The following MCM2 variants were observed in gnomAD, a reference collection of about 807,000 sequenced individuals.
The protein encoded by MCM2 is minichromosome maintenance complex component 2.
Under a neutral mutation model 86.4 loss-of-function variants are expected in MCM2, and 49 were observed. The observed-to-expected ratio is 0.57, with a 90% CI of 0.45 to 0.72. The LOEUF is 0.72. MCM2 is among the 30% of genes least tolerant of loss of function. The pLI is 0.00. For missense variants in MCM2, 1,038 were observed against 1,259.9 expected (o/e 0.82, Z 2.67); for synonymous variants, 475 against 484.6 (o/e 0.98, Z 0.26).
At chr3:127,610,161 T>C (rs1454002500) in intron 8 of MCM2, among the ~76,000 whole-genome samples, 2 of 152,172 alleles carry the variant, frequency 1.3e-5, no homozygotes, top group Non-Finnish European at 2.9e-5. Context: ...CAACTTGAAC[T>C]TCAGTTTTTA....
At position 127,620,850 on chromosome 3, in the gene MCM2, G is replaced by C. The variant is rs1210652155; in HGVS notation, c.2418G>C (p.Gln806His). 1.4e-5 allele frequency: 23 copies of C among 1,612,374 alleles called. No individual in the cohort carries two copies. The highest frequency in any genetic ancestry group is 2.7e-5 in the African/African-American group (2 of 74,936). ...RVMLESFIDTQKFSVMRSMRK... is the reference protein window; with the variant it reads ...RVMLESFIDTHKFSVMRSMRK... ...TGCTGGAGAGCTTCATAGACACACAGAAGTTCAGCGTCATGCGCAGCATGC... is the reference window on the plus strand; with the variant it reads ...TGCTGGAGAGCTTCATAGACACACACAAGTTCAGCGTCATGCGCAGCATGC... The change falls in exon 14 of 16, where the codon CAG (glutamine) becomes CAC (histidine). Residue 806 changes from glutamine (Q) to histidine (H), a missense_variant. This residue lies in a region of MCM2 where 336 missense variants were observed against 425.7 expected (regional missense o/e 0.79). Coordinates refer to ENST00000265056, the MANE Select transcript of MCM2 (RefSeq NM_004526.4).
intron 4 of MCM2, among the ~76,000 whole-genome samples, 155 bp downstream of exon 4, chr3:127,605,311 C>G (rs1237696988): frequency 1.3e-5 from 2 of 152,108 alleles, no homozygotes; most frequent in African/African-American, 4.8e-5. Context: ...CATCAGGGCT[C>G]TCCTGCTGGC....
At chr3:127,598,629 G>A (rs2074276512) in intron 1 of MCM2, among the ~76,000 whole-genome samples, 157 bp downstream of exon 1, 1 of 152,056 alleles carries the variant, frequency 6.6e-6, no homozygotes, top group African/African-American at 2.4e-5. Flanking sequence ...CCTGCGTGAG[G>A]CGACTCGCCT....
At position 127,618,147 on chromosome 3, in the gene MCM2, C is replaced by A; in HGVS notation, c.2013+66C>A. 2 of 1,306,394 alleles carry A rather than the reference C, an allele frequency of 1.5e-6. No individual in the cohort carries two copies. The highest frequency in any genetic ancestry group is 1.2e-5 in the South Asian group (1 of 81,848). 80.9% of individuals were successfully genotyped at this position (1,306,394 alleles called of 1,614,324 possible). On this transcript the variant is annotated intron_variant, in intron 12 of 15. Transcript: ENST00000265056. This position sits in a 1 kb window ranked among gnomAD's most constrained non-coding sequence, Gnocchi z 4.0. ...GGGGACCTCAGGTGAGGCTTGGGGT[C>A]ATACAGTGTGCCCAACACAGGGGAC...
intron 4 of MCM2, among the ~76,000 whole-genome samples, chr3:127,605,588 G>A (rs2074341058): frequency 6.6e-6 from 1 of 151,622 alleles, no homozygotes; most frequent in Admixed American, 6.6e-5. Flanking sequence ...TTACAGGCAT[G>A]CACCACCATG....
At chr3:127,608,801 C>G in intron 7 of MCM2, 31 bp from the exon 8 acceptor site, 1 of 1,609,422 alleles carries the variant, frequency 6.2e-7, no homozygotes, top group South Asian at 1.1e-5. Context: ...CTGGGTTAGG[C>G]TCTGACTTCT....
rs773395316 is a variant in MCM2, at chr3:127,619,090, G to A, written c.2077G>A (p.Glu693Lys). 12 of 1,613,132 alleles carry A rather than the reference G, an allele frequency of 7.4e-6. No individual in the cohort carries two copies. In the African/African-American group the frequency reaches 1.3e-4, roughly 18 times the overall value. ...CAGACACCACCCCAGCAACAAGGAG[G>A]AGGAGGGGCTGGCCAATGGCAGCGC... ...HVRHHPSNKE[E>K]EGLANGSAAE... The change falls in exon 13 of 16, where the codon GAG becomes AAG. Residue 693 changes from glutamate (E) to lysine (K), a missense_variant. By Grantham distance (56) the Glu-to-Lys change is moderately conservative (BLOSUM62 1). This residue lies in a region of MCM2 where 336 missense variants were observed against 425.7 expected (regional missense o/e 0.79). Coordinates refer to ENST00000265056, the MANE Select transcript of MCM2 (RefSeq NM_004526.4).
chr3:127,611,245 T>G (rs967030125), intron 8 of MCM2, among the ~76,000 whole-genome samples: 2 of 152,220 alleles, frequency 1.3e-5, no homozygotes, highest in Admixed American at 6.5e-5. Flanking sequence ...TTGGCCCTGC[T>G]GGGGTCTTAC....
chr3:127,613,593 A>G (rs1391448669), intron 8 of MCM2, among the ~76,000 whole-genome samples: 1 of 152,196 alleles, frequency 6.6e-6, no homozygotes, highest in Non-Finnish European at 1.5e-5. Context: ...CAGTGACTGT[A>G]TTGTGCCAAC....
rs1280598641 is a variant in MCM2 at position 127,619,118 on chromosome 3, C to T, written c.2105C>T (p.Ala702Val). The change falls in exon 13 of 16, where the codon GCT becomes GTT. Residue 702 changes from alanine (A) to valine (V), a missense_variant. By Grantham distance (64) the Ala-to-Val change is moderately conservative (BLOSUM62 0). Coordinates refer to ENST00000265056, the MANE Select transcript of MCM2 (RefSeq NM_004526.4). ...GAGGGGCTGGCCAATGGCAGCGCTG[C>T]TGAGCCCGCCATGCCCAACACGTAT... ...EEEGLANGSA[A>V]EPAMPNTYGV... 6.2e-7 allele frequency: 1 copy of T among 1,613,438 alleles called. No individual in the cohort carries two copies. Among genetic ancestry groups the T allele is most frequent in the Non-Finnish European group, 8.5e-7 (1 of 1,179,840 alleles).
Position 127,604,750 on chromosome 3 carries a change from GGCCTGGGCC to G in MCM2, c.382_390del (p.Leu128_Arg130del). Reference sequence around the variant, plus strand: ...GCAGCGTGACCGGGAGGCTGGCCGGGGCCTGGGCCGCATGCGCCGTGGGCTCCTGTATGG... The same window carrying G: ...GCAGCGTGACCGGGAGGCTGGCCGGGGCATGCGCCGTGGGCTCCTGTATGG... On this transcript the variant is annotated inframe_deletion, in exon 3 of 16. Coordinates refer to ENST00000265056, the MANE Select transcript of MCM2 (RefSeq NM_004526.4). 3.7e-6 allele frequency: 6 copies of G among 1,605,926 alleles called. No homozygotes were observed. The highest frequency in any genetic ancestry group is 5.1e-6 in the Non-Finnish European group (6 of 1,177,022).
chr3:127,606,255 T>C lies in MCM2; in HGVS notation c.811T>C (p.Tyr271His), dbSNP rs770505213. ...EAALEVVLAM[Y>H]PKYDRITNHI... The stretch of plus-strand genomic sequence containing the variant: ...TGCCCTGGAGGTGGTACTGGCCATG[T>C]ACCCCAAGTACGACCGCATCACCAA... The change falls in exon 5 of 16, where the codon TAC (tyrosine) becomes CAC (histidine). Residue 271 changes from tyrosine (Y) to histidine (H), a missense_variant. Tyr to His is a moderately conservative substitution (Grantham distance 83, BLOSUM62 2). Transcript: ENST00000265056. The surrounding 1 kb of genome is among the most constrained non-coding windows in gnomAD (Gnocchi z 4.2). 2.5e-6 allele frequency: 4 copies of C among 1,614,118 alleles called. No homozygotes were observed. The highest frequency in any genetic ancestry group is 3.4e-6 in the Non-Finnish European group (4 of 1,180,048).
At chr3:127,598,572 G>T in intron 1 of MCM2, 100 bp downstream of exon 1, 1 of 1,469,292 alleles carries the variant, frequency 6.8e-7, no homozygotes, top group Admixed American at 2.2e-5. Flanking sequence ...CGCTCTGGGT[G>T]AGGCTGGGCC....
At chr3:127,600,340 T>C (rs1249299148) in intron 2 of MCM2, among the ~76,000 whole-genome samples, 2 of 152,234 alleles carry the variant, frequency 1.3e-5, no homozygotes, top group Non-Finnish European at 2.9e-5. Context: ...GAGTAAGCTC[T>C]GCGCATAAGC....
chr3:127,609,316 G>C (rs1424915171), intron 8 of MCM2, among the ~76,000 whole-genome samples: 1 of 152,176 alleles, frequency 6.6e-6, no homozygotes, highest in East Asian at 1.9e-4. Context: ...ACGGGGTTGC[G>C]ACGAGAAGAG....
At chr3:127,598,987 T>C (rs977292328) in intron 1 of MCM2, 1 of 429,402 alleles carries the variant, frequency 2.3e-6, no homozygotes, top group African/African-American at 2.0e-5. Flanking sequence ...GTCTAATGCT[T>C]AAGGGGAGAT....
intron 8 of MCM2, among the ~76,000 whole-genome samples, chr3:127,610,525 C>T (rs778593905): frequency 1.4e-4 from 22 of 152,190 alleles, no homozygotes; most frequent in Admixed American, 2.6e-4. Flanking sequence ...TCCTTTTCCT[C>T]CTCACGCATC....
At chr3:127,614,081 A>C (rs1355531564) in intron 8 of MCM2, among the ~76,000 whole-genome samples, 2 of 152,158 alleles carry the variant, frequency 1.3e-5, no homozygotes, top group African/African-American at 4.8e-5. Context: ...ATGCCAACAC[A>C]TGCTTTCTGG....
chr3:127,610,764 A>G, intron 8 of MCM2: 1 of 456,500 alleles, frequency 2.2e-6, no homozygotes, highest in East Asian at 6.9e-5. Context: ...CTTATATGTT[A>G]CTGTCATTGT....
Sources: allele counts gnomAD v4.1 joint callset (sites outside exome capture counted in the v4.1 genomes callset), GRCh38; gene constraint gnomAD v4.1.1; regional missense constraint gnomAD v4.1.1; non-coding constraint Gnocchi (gnomAD v3.1); transcripts MANE v1.5; gene names NCBI Gene and HGNC (gene_info 2026-07-23, HGNC 2026-07-21).